The following C16orf74 variants were observed in gnomAD, a reference collection of about 807,000 sequenced individuals.
C16orf74 encodes the protein uncharacterized protein C16orf74.
Under a neutral mutation model 6.5 loss-of-function variants are expected in C16orf74, and 10 were observed. The observed-to-expected ratio is 1.54, with a 90% CI of 0.95 to 2.61. The LOEUF is 2.61. Ranked by LOEUF, C16orf74 falls within the 30% of genes most tolerant of loss-of-function variation. C16orf74 has a pLI of 0.00. For missense variants in C16orf74, 141 were observed against 105.9 expected, an observed-to-expected ratio of 1.33 and a Z score of -1.45; for synonymous variants, 60 against 42.5, an observed-to-expected ratio of 1.41 and a Z score of -1.60.
chr16:85,715,294 C>G (rs1477466555), intron 2 of C16orf74, among the ~76,000 whole-genome samples: 1 of 151,988 alleles, frequency 6.6e-6, no homozygotes, highest in Non-Finnish European at 1.5e-5. Context: ...TGTGTTGCCA[C>G]CGCCCAGACA....
chr16:85,727,053 C>G (rs546568706), intron 2 of C16orf74, among the ~76,000 whole-genome samples: 14 of 152,238 alleles, frequency 9.2e-5, no homozygotes, highest in African/African-American at 3.4e-4. Context: ...CTGTACACTC[C>G]CAGTGGCCAG....
At chr16:85,748,118 ATG>A (rs58236803) in intron 1 of C16orf74, among the ~76,000 whole-genome samples, 16,279 of 74,620 alleles carry the variant, frequency 0.22, 1,816 homozygotes, top group Admixed American at 0.33. Context: ...ATATATATAT[ATG>A]TGTGTGTGTA....
At chr16:85,745,252 G>A (rs919687574) in intron 1 of C16orf74, among the ~76,000 whole-genome samples, 8 of 151,538 alleles carry the variant, frequency 5.3e-5, no homozygotes, top group African/African-American at 1.5e-4. Flanking sequence ...TTCCTCGGCA[G>A]AGGTCCACCC....
Position 85,707,671 on chromosome 16 carries a change from GC to G in C16orf74, c.*336del, listed in dbSNP as rs1567800039. The G allele has an allele frequency of 3.0e-6, 1 of 329,852 alleles. No homozygotes were observed. The highest frequency in any genetic ancestry group is 5.5e-6 in the Non-Finnish European group (1 of 180,380). The allele number at this position is 329,852 out of a possible 1,614,324, so 20.4% of individuals were successfully genotyped here. A position where few individuals can be genotyped will look rare whatever the true frequency, so the allele number is the denominator to read the frequency against. On this transcript the variant is annotated 3_prime_UTR_variant, in exon 4 of 4. Transcript: ENST00000284245. ...TATGGCAGGGGCATGTGTTTGCACA[GC>G]CCTGGGGGCTGGGAGGGTGTGTTTG... is the stretch of plus-strand genomic sequence containing the variant.
chr16:85,712,458 T>TG (rs1240788926), intron 2 of C16orf74, among the ~76,000 whole-genome samples: 4 of 152,176 alleles, frequency 2.6e-5, no homozygotes, highest in Admixed American at 2.6e-4. Context: ...TACCCGGCTG[T>TG]GGGGAAATCA....
intron 2 of C16orf74, 72 bp downstream of exon 2, chr16:85,735,118 C>A: frequency 7.1e-7 from 1 of 1,415,448 alleles, no homozygotes; most frequent in Middle Eastern, 1.8e-4. Flanking sequence ...CTTCAACTCC[C>A]CTCTCTCCTG....
At chr16:85,729,728 G>C (rs911058784) in intron 2 of C16orf74, among the ~76,000 whole-genome samples, 4 of 152,186 alleles carry the variant, frequency 2.6e-5, no homozygotes, top group Non-Finnish European at 4.4e-5. Context: ...AGGAGAGGGA[G>C]GTTGAATGCA....
intron 2 of C16orf74, among the ~76,000 whole-genome samples, chr16:85,725,943 T>C (rs2054128526): frequency 6.6e-6 from 1 of 152,112 alleles, no homozygotes; most frequent in Non-Finnish European, 1.5e-5. Flanking sequence ...TATCACCTGC[T>C]GGCCCCAGGG....
chr16:85,741,186 G>A (rs1166831468), intron 1 of C16orf74, among the ~76,000 whole-genome samples: 1 of 152,182 alleles, frequency 6.6e-6, no homozygotes, highest in Non-Finnish European at 1.5e-5. Context: ...CAGCATGTGC[G>A]TCAGATCGCG....
intron 3 of C16orf74, 121 bp from the exon 4 acceptor site, chr16:85,708,187 G>T: frequency 1.2e-6 from 1 of 810,452 alleles, no homozygotes. Flanking sequence ...GCTGCCAGAG[G>T]CTGAGATGGG....
intron 2 of C16orf74, among the ~76,000 whole-genome samples, chr16:85,712,077 A>G (rs543007847): frequency 4.2e-4 from 64 of 152,350 alleles, no homozygotes; most frequent in Admixed American, 3.5e-3. Flanking sequence ...TGGGGAAGCC[A>G]GCCACCATGT....
At chr16:85,736,125 C>G (rs2054242108) in intron 1 of C16orf74, among the ~76,000 whole-genome samples, 1 of 152,132 alleles carries the variant, frequency 6.6e-6, no homozygotes, top group South Asian at 2.1e-4. Flanking sequence ...TGGGAGGAAC[C>G]CCAGGGGATG....
At position 85,743,038 on chromosome 16, in the gene C16orf74, G is replaced by A. The variant is rs771402376; in HGVS notation, c.-18-7803C>T. Among the ~76,000 whole-genome samples, 7 of 152,268 alleles carry A rather than the reference G, an allele frequency of 4.6e-5. No individual in the cohort carries two copies. In the South Asian group the frequency reaches 6.2e-4, roughly 14 times the overall value. ...GGTACCACCAGGGCACCCCCACTACGTGGCCCCAATTCCACAGTGTGGCCT... is the reference window on the plus strand; with the variant it reads ...GGTACCACCAGGGCACCCCCACTACATGGCCCCAATTCCACAGTGTGGCCT... On this transcript the variant is annotated intron_variant, in intron 1 of 3. Coordinates refer to ENST00000284245, the MANE Select transcript of C16orf74 (RefSeq NM_206967.3).
chr16:85,748,603 A>C (rs1430398808), intron 1 of C16orf74, among the ~76,000 whole-genome samples: 2 of 152,136 alleles, frequency 1.3e-5, no homozygotes, highest in Non-Finnish European at 2.9e-5. Flanking sequence ...CTCAAGAAAA[A>C]ACAACAAAAA....
At chr16:85,733,483 G>A (rs982334217) in intron 2 of C16orf74, among the ~76,000 whole-genome samples, 4 of 152,190 alleles carry the variant, frequency 2.6e-5, no homozygotes, top group Admixed American at 6.5e-5. Flanking sequence ...GGTGATGGTT[G>A]CACAACACTG....
chr16:85,713,364 C>T (rs763550933), intron 2 of C16orf74, among the ~76,000 whole-genome samples: 4 of 152,170 alleles, frequency 2.6e-5, no homozygotes, highest in Non-Finnish European at 4.4e-5. Flanking sequence ...CTCTGCCTCT[C>T]GGGTTCAAAC....
intron 2 of C16orf74, among the ~76,000 whole-genome samples, chr16:85,727,060 C>A (rs776176806): frequency 6.6e-6 from 1 of 152,252 alleles, no homozygotes; most frequent in Non-Finnish European, 1.5e-5. Flanking sequence ...CTCCCAGTGG[C>A]CAGGACCACA....
intron 1 of C16orf74, among the ~76,000 whole-genome samples, chr16:85,740,583 T>G (rs2054294271): frequency 6.6e-6 from 1 of 150,924 alleles, no homozygotes; most frequent in African/African-American, 2.4e-5. Context: ...GCCCAGCTAC[T>G]AGAGACGCTG....
chr16:85,708,938 G>A (rs1032320757), intron 3 of C16orf74, among the ~76,000 whole-genome samples: 1 of 152,258 alleles, frequency 6.6e-6, no homozygotes, highest in Non-Finnish European at 1.5e-5. Flanking sequence ...TGCCACTTGC[G>A]GGGAGGACAT....
Sources: gnomAD v4.1 joint callset for allele counts (sites outside exome capture counted in the v4.1 genomes callset) on GRCh38, gnomAD v4.1.1 for gene constraint, MANE v1.5 for transcripts, NCBI Gene and HGNC (gene_info 2026-07-23, HGNC 2026-07-21) for gene names.